PRKAR1B: variants seen among roughly 807,000 people sequenced by gnomAD.
PRKAR1B encodes cAMP-dependent protein kinase type I-beta regulatory subunit.
In PRKAR1B, 22 loss-of-function variants were observed where a neutral mutation model predicts 46.5. The observed-to-expected ratio is 0.47, with a 90% confidence interval of 0.34 to 0.68. The LOEUF (loss-of-function observed/expected upper bound fraction) is 0.68. Among genes scored for constraint, PRKAR1B ranks in the 30% least tolerant of loss-of-function variants. PRKAR1B has a pLI of 0.01. For missense variants in PRKAR1B, 445 were observed against 535.6 expected (o/e 0.83, Z 1.67); for synonymous variants, 259 against 217.7 (o/e 1.19, Z -1.67).
In PRKAR1B at chr7:570,346, C is replaced by T. The variant is rs951114248; in HGVS notation, c.891+8910G>A. On this transcript the variant is annotated intron_variant, in intron 9 of 10. Transcript: ENST00000537384. ...GGTGTCCAGGCAGAATGTTATAAAG[C>T]GACTTTCATACCCCCCGTCAAGGAG... Among the ~76,000 whole-genome samples, 4 of 152,186 alleles carry T rather than the reference C, an allele frequency of 2.6e-5. No homozygotes were observed. In the South Asian group the frequency reaches 6.2e-4, roughly 24 times the overall value.
Position 680,580 on chromosome 7 carries a change from C to G in PRKAR1B, c.324G>C (p.Glu108Asp). The G allele has an allele frequency of 1.2e-6, 2 of 1,611,718 alleles. No homozygotes were observed. Among genetic ancestry groups the G allele is most frequent in the Non-Finnish European group, 1.7e-6 (2 of 1,179,532 alleles). Residue 108 changes from glutamate (E) to aspartate (D), a missense_variant, in exon 3 of 11, where the codon GAG (glutamate) becomes GAC (aspartate). Physicochemically the swap from Glu to Asp is conservative, Grantham distance 45 (BLOSUM62 2). This residue lies in a region of PRKAR1B where 94 missense variants were observed against 126.9 expected (regional missense o/e 0.74). Transcript: ENST00000537384. Reference sequence around the variant, plus strand: ...CCTTCCTGACGTAGGACACGGCGTCCTCCTCGGTGTACACCTCGGCACTCA... The same window carrying G: ...CCTTCCTGACGTAGGACACGGCGTCGTCCTCGGTGTACACCTCGGCACTCA... ...GGVSAEVYTE[E>D]DAVSYVRKVI...
At chr7:662,344 C>A (rs1199383850) in intron 4 of PRKAR1B, among the ~76,000 whole-genome samples, 2 of 126,520 alleles carry the variant, frequency 1.6e-5, no homozygotes, top group African/African-American at 3.1e-5. Context: ...CTCTCCCCCC[C>A]ATGGCACAGG....
chr7:655,573 T>C (rs1261976362), intron 4 of PRKAR1B, among the ~76,000 whole-genome samples: 2 of 152,228 alleles, frequency 1.3e-5, no homozygotes, highest in Non-Finnish European at 2.9e-5. Context: ...TCATCCTATA[T>C]TCTAACAATT....
chr7:609,763 T>C (rs1306911561), intron 4 of PRKAR1B, among the ~76,000 whole-genome samples: 1 of 152,166 alleles, frequency 6.6e-6, no homozygotes, highest in Non-Finnish European at 1.5e-5. Context: ...TTTTAAGAGA[T>C]GGGGTCTCAT....
chr7:705,618 C>G (rs1448070010), intron 2 of PRKAR1B, among the ~76,000 whole-genome samples: 1 of 152,136 alleles, frequency 6.6e-6, no homozygotes, highest in Non-Finnish European at 1.5e-5. Context: ...TTGTAGTTGG[C>G]AAAAACTGGA....
At chr7:598,578 C>T (rs113457835) in intron 6 of PRKAR1B, among the ~76,000 whole-genome samples, 15 of 144,274 alleles carry the variant, frequency 1.0e-4, no homozygotes, top group African/African-American at 2.1e-4. Context: ...CAGCACCCTC[C>T]GCACCAAACA....
In PRKAR1B at chr7:727,264, G is replaced by C; in HGVS notation, c.-77C>G. ...CTCCCTGCTCGACCCCTTCGCCGCCGTGCGCCGCGAGAGCTGCAGCTGCGC... is the reference window on the plus strand; with the variant it reads ...CTCCCTGCTCGACCCCTTCGCCGCCCTGCGCCGCGAGAGCTGCAGCTGCGC... On this transcript the variant is annotated 5_prime_UTR_variant, in exon 1 of 11. Coordinates refer to ENST00000537384, the MANE Select transcript of PRKAR1B (RefSeq NM_001164760.2). The C allele has an allele frequency of 7.5e-7, 1 of 1,327,522 alleles. No individual in the cohort carries two copies. The highest frequency in any genetic ancestry group is 9.6e-7 in the Non-Finnish European group (1 of 1,042,730). 82.2% of individuals were successfully genotyped at this position (1,327,522 alleles called of 1,614,324 possible).
intron 4 of PRKAR1B, among the ~76,000 whole-genome samples, chr7:664,218 G>C (rs113868139): frequency 1.7e-3 from 260 of 152,326 alleles, no homozygotes; most frequent in Admixed American, 4.1e-3. Flanking sequence ...TTAGTGACCA[G>C]GGCTCAAGAA....
intron 2 of PRKAR1B, among the ~76,000 whole-genome samples, chr7:693,845 C>T (rs1779578938): frequency 6.6e-6 from 1 of 152,220 alleles, no homozygotes; most frequent in Non-Finnish European, 1.5e-5. Context: ...TGTGGCTGTA[C>T]CAACTCACAT....
chr7:582,266 C>T (rs1439549898), intron 8 of PRKAR1B, among the ~76,000 whole-genome samples: 1 of 152,262 alleles, frequency 6.6e-6, no homozygotes, highest in Non-Finnish European at 1.5e-5. Context: ...GGGGCCGAGC[C>T]CTGCGCGTTC....
intron 1 of PRKAR1B, among the ~76,000 whole-genome samples, chr7:720,050 CTTTT>C (rs34254216): frequency 1.9e-3 from 177 of 93,176 alleles, no homozygotes; most frequent in Non-Finnish European, 2.8e-3. Context: ...CTGTGCAAGT[CTTTT>C]TTTTTTTTTT....
chr7:621,667 T>C (rs1783113235), intron 4 of PRKAR1B, among the ~76,000 whole-genome samples: 1 of 152,184 alleles, frequency 6.6e-6, no homozygotes. Flanking sequence ...TCACAGCAGG[T>C]GGGGTCATCC....
chr7:584,761 T>C lies in PRKAR1B; in HGVS notation c.709-193A>G, dbSNP rs1032798733. Among the ~76,000 whole-genome samples the C allele has an allele frequency of 5.3e-5, 8 of 152,016 alleles. No homozygotes were observed. In the East Asian group the frequency reaches 5.8e-4, roughly 11 times the overall value. On this transcript the variant is annotated intron_variant, in intron 7 of 10. Transcript: ENST00000537384. ...TGTCCTATGCCCCCCACCTCCCTCC[T>C]CCCGGGGGGCTTCTGGAGAAGCTCC... is the stretch of plus-strand genomic sequence containing the variant.
chr7:569,458 G>T (rs918225817), intron 9 of PRKAR1B, among the ~76,000 whole-genome samples: 3 of 152,234 alleles, frequency 2.0e-5, no homozygotes, highest in African/African-American at 7.2e-5. Context: ...TGGGCCGAAC[G>T]TCCAGCTCAC....
At chr7:707,539 A>G (rs1182917129) in intron 2 of PRKAR1B, among the ~76,000 whole-genome samples, 1 of 150,586 alleles carries the variant, frequency 6.6e-6, no homozygotes, top group African/African-American at 2.4e-5. Flanking sequence ...AGAAATAGAC[A>G]TTCTGGAGTC....
rs201570780 is a variant in PRKAR1B, at chr7:615,908, GAGAA to G, written c.441-8460_441-8457del. On this transcript the variant is annotated intron_variant, in intron 4 of 10. Transcript: ENST00000537384. ...GAGAGAGAAAGAGAAAAAAGGAAGA[GAGAA>G]AGAGAGAAAAAAAGGAAGAAAGAGG... 5.8e-4 allele frequency among the ~76,000 whole-genome samples: 86 copies of G among 148,866 alleles called. No individual in the cohort carries two copies. The East Asian group carries it at 0.016, about 27-fold the overall frequency.
At chr7:638,331 A>G (rs1784228324) in intron 4 of PRKAR1B, among the ~76,000 whole-genome samples, 1 of 152,214 alleles carries the variant, frequency 6.6e-6, no homozygotes, top group South Asian at 2.1e-4. Flanking sequence ...TTGGTGGTGA[A>G]CACACCTCAC....
At chr7:696,644 C>G (rs764106971) in intron 2 of PRKAR1B, 1 of 152,216 alleles carries the variant, frequency 6.6e-6, no homozygotes, top group Admixed American at 6.5e-5. Context: ...TGGCCCAGGG[C>G]CTCACGGCTC....
At chr7:636,438 G>GGA (rs1784107760) in intron 4 of PRKAR1B, among the ~76,000 whole-genome samples, 2 of 87,384 alleles carry the variant, frequency 2.3e-5, no homozygotes, top group Non-Finnish European at 5.3e-5. Flanking sequence ...TCCACCGGCC[G>GGA]CGCCCTCACG....
Sources: gnomAD v4.1 joint callset for allele counts (sites outside exome capture counted in the v4.1 genomes callset) on GRCh38, gnomAD v4.1.1 for gene constraint, gnomAD v4.1.1 regional missense constraint, MANE v1.5 for transcripts, NCBI Gene and HGNC (gene_info 2026-07-23, HGNC 2026-07-21) for gene names.